Variants in ROBO1 observed in about 807,000 individuals in gnomAD.
ROBO1 encodes the protein roundabout guidance receptor 1.
A neutral mutation model predicts 195.9 loss-of-function variants in ROBO1; 149 were observed. The observed-to-expected ratio is 0.76, with a 90% CI of 0.67 to 0.87. ROBO1 has a LOEUF of 0.87. Among genes scored for constraint, ROBO1 ranks in the 40% least tolerant of loss-of-function variants. The pLI is 0.00. For synonymous variants in ROBO1, 816 were observed against 733.2 expected (o/e 1.11, Z -1.82); for missense variants, 1,933 against 2,068.3 (o/e 0.93, Z 1.27).
chr3:79,440,553 T>C (rs925088652), intron 2 of ROBO1, among the ~76,000 whole-genome samples: 3 of 152,114 alleles, frequency 2.0e-5, no homozygotes, highest in East Asian at 1.9e-4. Flanking sequence ...AGAACCAGGA[T>C]AGTCCTTGTC....
chr3:78,986,896 G>C (rs1251783334), intron 3 of ROBO1, among the ~76,000 whole-genome samples: 1 of 152,128 alleles, frequency 6.6e-6, no homozygotes, highest in Non-Finnish European at 1.5e-5. Context: ...CCCAACTATT[G>C]TTCAGTAGGG....
rs560821496 is a variant in ROBO1 at position 78,729,119 on chromosome 3, T to C, written c.658-11236A>G. Among the ~76,000 whole-genome samples the C allele has an allele frequency of 4.2e-3, 646 of 152,290 alleles. 3 individuals are homozygous for C. The highest frequency in any genetic ancestry group is 0.014 in the African/African-American group (592 of 41,560). On this transcript the variant is annotated intron_variant, in intron 5 of 30. Transcript: ENST00000464233. ...TCTGGCAGCTGCACTTCTCTGCTAT[T>C]TCCATTTCTCCTCCTAAATTTCTCA...
At chr3:78,924,316 A>G (rs115980372) in intron 4 of ROBO1, among the ~76,000 whole-genome samples, 1,650 of 152,062 alleles carry the variant, frequency 0.011, 41 homozygotes, top group African/African-American at 0.035. Flanking sequence ...GCCTTTTTAA[A>G]GAACTAAAGC....
At chr3:79,650,603 G>GA (rs948696213) in intron 1 of ROBO1, among the ~76,000 whole-genome samples, 1 of 151,562 alleles carries the variant, frequency 6.6e-6, no homozygotes, top group Non-Finnish European at 1.5e-5. Flanking sequence ...AAAAAATATA[G>GA]AAAAAAAACC....
chr3:78,968,271 C>CTTTT (rs35361494), intron 3 of ROBO1, among the ~76,000 whole-genome samples: 3 of 119,452 alleles, frequency 2.5e-5, no homozygotes, highest in Admixed American at 8.6e-5. Context: ...TGTATAGATT[C>CTTTT]TTTTTTTTTT....
Position 79,470,369 on chromosome 3 carries a change from C to A in ROBO1, c.88+119455G>T, listed in dbSNP as rs557989640. On this transcript the variant is annotated intron_variant, in intron 2 of 30. Coordinates refer to ENST00000464233, the MANE Select transcript of ROBO1 (RefSeq NM_002941.4). ...GGTGGGAATTGAACAATGAGAACAC[C>A]TGGACACAGGAAAGGGAACATCACA... 1.2e-4 allele frequency among the ~76,000 whole-genome samples: 18 copies of A among 152,076 alleles called. No individual in the cohort carries two copies. The East Asian group carries it at 3.5e-3, about 29-fold the overall frequency.
chr3:78,637,098 G>T (rs1402966823), intron 22 of ROBO1, among the ~76,000 whole-genome samples: 3 of 126,188 alleles, frequency 2.4e-5, no homozygotes, highest in Non-Finnish European at 4.8e-5. Flanking sequence ...TATGCATGTT[G>T]TCCAAAAGTG....
At chr3:79,357,410 TC>T (rs2035600365) in intron 2 of ROBO1, among the ~76,000 whole-genome samples, 2 of 152,166 alleles carry the variant, frequency 1.3e-5, no homozygotes, top group South Asian at 4.1e-4. Context: ...TGGAAATGCC[TC>T]AGGTAGTCAG....
intron 26 of ROBO1, among the ~76,000 whole-genome samples, chr3:78,618,355 A>C (rs1213419235): frequency 6.6e-6 from 1 of 152,214 alleles, no homozygotes; most frequent in Admixed American, 6.5e-5. Context: ...ACTTGTTTTG[A>C]AAACATACAC....
chr3:78,696,751 C>T (rs1371304591), intron 8 of ROBO1, among the ~76,000 whole-genome samples: 4 of 144,804 alleles, frequency 2.8e-5, no homozygotes, highest in African/African-American at 5.1e-5. Flanking sequence ...TATATATACA[C>T]ATATATATAT....
intron 2 of ROBO1, among the ~76,000 whole-genome samples, chr3:79,278,511 G>A (rs1372930561): frequency 6.6e-6 from 1 of 152,180 alleles, no homozygotes; most frequent in Non-Finnish European, 1.5e-5. Flanking sequence ...AATGGAACCG[G>A]TTAGAGAACT....
At chr3:78,781,161 T>C (rs2083666139) in intron 4 of ROBO1, among the ~76,000 whole-genome samples, 1 of 152,168 alleles carries the variant, frequency 6.6e-6, no homozygotes, top group Admixed American at 6.5e-5. Context: ...CCTTATCCAT[T>C]TCCTCTATTA....
intron 2 of ROBO1, among the ~76,000 whole-genome samples, chr3:79,514,599 T>C (rs1410176120): frequency 6.6e-5 from 10 of 152,196 alleles, no homozygotes; most frequent in African/African-American, 2.4e-4. Flanking sequence ...TTTTAATCCC[T>C]TTTGGAAAGT....
At chr3:79,408,602 C>A (rs2037644467) in intron 2 of ROBO1, among the ~76,000 whole-genome samples, 1 of 152,018 alleles carries the variant, frequency 6.6e-6, no homozygotes, top group South Asian at 2.1e-4. Flanking sequence ...TTGAGAAGGT[C>A]TTTATCAGTT....
chr3:79,166,184 G>A (rs1008440691), intron 2 of ROBO1, among the ~76,000 whole-genome samples: 4 of 152,160 alleles, frequency 2.6e-5, no homozygotes, highest in African/African-American at 9.7e-5. Flanking sequence ...CCAAAGTAAT[G>A]TAAGACTTGA....
At chr3:79,312,079 T>G (rs933067863) in intron 2 of ROBO1, among the ~76,000 whole-genome samples, 1 of 152,198 alleles carries the variant, frequency 6.6e-6, no homozygotes, top group Non-Finnish European at 1.5e-5. Flanking sequence ...CAAGCTTGAT[T>G]TGGAAAATGT....
intron 7 of ROBO1, chr3:78,714,784 T>C (rs1452707329): frequency 5.8e-6 from 2 of 344,372 alleles, no homozygotes; most frequent in Non-Finnish European, 1.0e-5. Flanking sequence ...CTCAAGCTCC[T>C]GTGCTCACAC....
At chr3:79,080,837 A>G (rs1389604073) in intron 3 of ROBO1, among the ~76,000 whole-genome samples, 1 of 152,072 alleles carries the variant, frequency 6.6e-6, no homozygotes, top group African/African-American at 2.4e-5. Context: ...GTTTATTTAA[A>G]TATTCAACTT....
intron 2 of ROBO1, among the ~76,000 whole-genome samples, chr3:79,362,481 A>G (rs574094897): frequency 2.0e-5 from 3 of 152,316 alleles, no homozygotes; most frequent in South Asian, 4.1e-4. Context: ...AATTTCTCCC[A>G]CTGTAGAACC....
Sources: allele counts gnomAD v4.1 joint callset (sites outside exome capture counted in the v4.1 genomes callset), GRCh38; gene constraint gnomAD v4.1.1; transcripts MANE v1.5; gene names NCBI Gene and HGNC (gene_info 2026-07-23, HGNC 2026-07-21).